The following LGSN variants were observed in gnomAD, a reference collection of about 807,000 sequenced individuals.
LGSN encodes the protein lengsin.
LGSN carries 21 observed loss-of-function variants against 19.5 expected under a neutral mutation model. The ratio of observed to expected loss-of-function variants is 1.07; its 90% confidence interval spans 0.76 to 1.55. The LOEUF (loss-of-function observed/expected upper bound fraction) is 1.55, where lower values mean the gene tolerates loss of function less well. LGSN is among the 40% of genes most tolerant of loss of function. The pLI, the probability that LGSN is intolerant of heterozygous loss-of-function variation, is 0.00. For missense variants in LGSN, 673 were observed against 608.5 expected (o/e 1.11, Z -1.12); for synonymous variants, 257 against 215.6 (o/e 1.19, Z -1.68).
chr6:63,491,973 G>A, the LGSN span, among the ~76,000 whole-genome samples: 1 of 151,188 alleles, frequency 6.6e-6, no homozygotes, highest in African/African-American at 2.4e-5. Context: ...AAGTTGCAGT[G>A]AGCCAAGATG....
chr6:63,520,488 G>A, the LGSN span, among the ~76,000 whole-genome samples: 2 of 152,012 alleles, frequency 1.3e-5, no homozygotes, highest in African/African-American at 4.8e-5. Flanking sequence ...TTAGCCAGGT[G>A]TGATGGCACA....
At chr6:63,320,004 T>A (rs998882327), upstream of LGSN, 1 of 1,196,566 alleles carries the variant, frequency 8.4e-7, no homozygotes, top group African/African-American at 1.5e-5. Flanking sequence ...GCATTCAACA[T>A]GTATTTATAT....
the LGSN span, among the ~76,000 whole-genome samples, chr6:63,487,217 T>C: frequency 2.6e-5 from 4 of 151,702 alleles, no homozygotes; most frequent in Admixed American, 1.3e-4. Context: ...CAATCCATTC[T>C]CCTTGGCCTC....
chr6:63,432,373 G>A, the LGSN span, among the ~76,000 whole-genome samples: 55 of 152,048 alleles, frequency 3.6e-4, no homozygotes, highest in Non-Finnish European at 5.7e-4. Context: ...TATAGATAGG[G>A]CTGCTATGTG....
At chr6:63,409,695 AC>A in the LGSN span, among the ~76,000 whole-genome samples, 2 of 152,158 alleles carry the variant, frequency 1.3e-5, no homozygotes, top group African/African-American at 4.8e-5. Flanking sequence ...ATACAAACAG[AC>A]TTTTTTGCTA....
the LGSN span, among the ~76,000 whole-genome samples, chr6:63,470,238 TGGGCA>T: frequency 6.6e-6 from 1 of 151,498 alleles, no homozygotes. Context: ...AAGGCCAAGG[TGGGCA>T]GATCACCTGA....
the LGSN span, among the ~76,000 whole-genome samples, chr6:63,476,100 G>C: frequency 6.6e-6 from 1 of 151,720 alleles, no homozygotes; most frequent in Non-Finnish European, 1.5e-5. Flanking sequence ...TTGTTTTTTG[G>C]TTTTTTTTAC....
the LGSN span, among the ~76,000 whole-genome samples, chr6:63,501,590 A>G: frequency 4.6e-5 from 7 of 150,888 alleles, no homozygotes; most frequent in South Asian, 2.1e-4. Flanking sequence ...TCTAATGTGA[A>G]AAAAAAAAAG....
At chr6:63,281,331 A>ATATATATATATATATAT (rs35210619) in intron 3 of LGSN, 111 bp from the exon 4 acceptor site, 2 of 140,676 alleles carry the variant, frequency 1.4e-5, no homozygotes, top group African/African-American at 2.9e-5. Flanking sequence ...ATATATATAT[A>ATATATATATATATATAT]ATAAATATAT....
At chr6:63,488,359 A>AGGG in the LGSN span, among the ~76,000 whole-genome samples, 1 of 152,160 alleles carries the variant, frequency 6.6e-6, no homozygotes, top group Non-Finnish European at 1.5e-5. Context: ...GCTGCTAGGT[A>AGGG]ATTTGCCCAG....
chr6:63,474,325 C>T, the LGSN span, among the ~76,000 whole-genome samples: 16 of 152,198 alleles, frequency 1.1e-4, no homozygotes, highest in East Asian at 1.9e-4. Context: ...AGTGGGAAAA[C>T]GGGACGGGCG....
the LGSN span, among the ~76,000 whole-genome samples, chr6:63,335,927 T>G: frequency 2.0e-5 from 3 of 151,552 alleles, no homozygotes; most frequent in Admixed American, 2.0e-4. Context: ...TAAGTGTCCA[T>G]CAACAGATGA....
chr6:63,571,023 T>C, the LGSN span: 1 of 152,202 alleles, frequency 6.6e-6, no homozygotes, highest in Non-Finnish European at 1.5e-5. Flanking sequence ...TTTAAATCAT[T>C]TATTTGTAAA....
the LGSN span, among the ~76,000 whole-genome samples, chr6:63,353,728 C>T: frequency 6.6e-6 from 1 of 152,032 alleles, no homozygotes; most frequent in Non-Finnish European, 1.5e-5. Flanking sequence ...AGACATCACA[C>T]CACCTGACTT....
chr6:63,288,437 G>A (rs1229662042), intron 2 of LGSN, among the ~76,000 whole-genome samples: 2 of 150,996 alleles, frequency 1.3e-5, no homozygotes, highest in Non-Finnish European at 3.0e-5. Flanking sequence ...ACAAGGGTGG[G>A]ATAAATTCAC....
chr6:63,404,966 C>T, the LGSN span, among the ~76,000 whole-genome samples: 1 of 121,868 alleles, frequency 8.2e-6, no homozygotes, highest in Admixed American at 9.4e-5. Context: ...GCCCCCCACC[C>T]CACAACAGTC....
At chr6:63,541,483 G>A in the LGSN span, among the ~76,000 whole-genome samples, 1 of 152,130 alleles carries the variant, frequency 6.6e-6, no homozygotes, top group East Asian at 1.9e-4. Context: ...AACCCCGGAG[G>A]CAGAGGTTGC....
At position 63,319,936 on chromosome 6, in the gene LGSN, T is replaced by A. The variant is rs1395773276; in HGVS notation, c.8A>T (p.Asn3Ile). 2 of 1,609,676 alleles carry A rather than the reference T, an allele frequency of 1.2e-6. No homozygotes were observed. Among genetic ancestry groups the A allele is most frequent in the East Asian group, 4.5e-5 (2 of 44,832 alleles). Residue 3 changes from asparagine (N) to isoleucine (I), a missense_variant, in exon 1 of 4, where the codon AAT (asparagine) becomes ATT (isoleucine). Physicochemically the swap from Asn to Ile is moderately radical, Grantham distance 149 (BLOSUM62 -3). Coordinates refer to ENST00000370657, the MANE Select transcript of LGSN (RefSeq NM_016571.3). MN[N>I]EEDLLQEDST... ...TACCTCCTGCAGAAGGTCCTCTTCA[T>A]TATTCATCTCAACACTTTTTAAGTT...
At chr6:63,419,867 C>T in the LGSN span, among the ~76,000 whole-genome samples, 4 of 100,688 alleles carry the variant, frequency 4.0e-5, no homozygotes, top group East Asian at 3.2e-4. Context: ...GGCGTAAGAG[C>T]GAAACTCCCT....
Sources: allele counts gnomAD v4.1 joint callset (sites outside exome capture counted in the v4.1 genomes callset), GRCh38; gene constraint gnomAD v4.1.1; transcripts MANE v1.5; gene names NCBI Gene and HGNC (gene_info 2026-07-23, HGNC 2026-07-21).